HDAC9: variants seen among roughly 807,000 people sequenced by gnomAD.
HDAC9 encodes the protein histone deacetylase 9.
In HDAC9, 41 loss-of-function variants were observed where a neutral mutation model predicts 139.4. The observed-to-expected ratio is 0.29, with a 90% CI of 0.23 to 0.38. The LOEUF (loss-of-function observed/expected upper bound fraction) is 0.38, where lower values mean the gene tolerates loss of function less well. HDAC9 is among the 10% of genes least tolerant of loss of function. The pLI is 1.00. For synonymous variants in HDAC9, 517 were observed against 476.2 expected (o/e 1.09, Z -1.12); for missense variants, 1,147 against 1,297.0 (o/e 0.88, Z 1.78).
intron 23 of HDAC9, among the ~76,000 whole-genome samples, chr7:18,948,660 A>G (rs555462593): frequency 2.4e-4 from 36 of 152,118 alleles, no homozygotes; most frequent in Non-Finnish European, 1.2e-4. Context: ...GACCACTACT[A>G]TACTATATCC....
At chr7:18,942,231 T>A (rs1169769265) in intron 23 of HDAC9, among the ~76,000 whole-genome samples, 1 of 152,094 alleles carries the variant, frequency 6.6e-6, no homozygotes, top group Non-Finnish European at 1.5e-5. Flanking sequence ...AGGAATATTT[T>A]AACATTTAAT....
intron 21 of HDAC9, among the ~76,000 whole-genome samples, chr7:18,870,374 A>C (rs941771518): frequency 5.9e-5 from 9 of 152,156 alleles, no homozygotes; most frequent in African/African-American, 2.2e-4. Context: ...TATTTTGTCA[A>C]ATATTCCTCA....
In HDAC9 at chr7:18,996,345, T is replaced by A. The variant is rs1248172578; in HGVS notation, c.*283T>A. 1 of 331,926 alleles carries A rather than the reference T, an allele frequency of 3.0e-6. No individual in the cohort carries two copies. Among genetic ancestry groups the A allele is most frequent in the African/African-American group, 2.1e-5 (1 of 47,310 alleles). 20.6% of individuals were successfully genotyped at this position (331,926 alleles called of 1,614,324 possible). On this transcript the variant is annotated 3_prime_UTR_variant, in exon 26 of 26. Coordinates refer to ENST00000686413, the MANE Select transcript of HDAC9 (RefSeq NM_178425.4). ...GCTTTTAATATGCTGGGTGACCCAC[T>A]CCTAGACACCAAGTTTGAACTAGAA...
At chr7:18,782,390 T>C (rs2129171574) in intron 16 of HDAC9, among the ~76,000 whole-genome samples, 1 of 152,214 alleles carries the variant, frequency 6.6e-6, no homozygotes, top group African/African-American at 2.4e-5. Flanking sequence ...TTCTTTTAAG[T>C]CATTCCCTTT....
At chr7:18,776,092 C>G (rs1790744947) in intron 16 of HDAC9, among the ~76,000 whole-genome samples, 1 of 151,984 alleles carries the variant, frequency 6.6e-6, no homozygotes, top group Admixed American at 6.6e-5. Flanking sequence ...GTACACACCA[C>G]CACACATATT....
chr7:18,951,144 G>T (rs1275218649), intron 23 of HDAC9, among the ~76,000 whole-genome samples: 1 of 151,844 alleles, frequency 6.6e-6, no homozygotes, highest in Non-Finnish European at 1.5e-5. Context: ...GATTTTTGAC[G>T]ATTTAAATGA....
intron 22 of HDAC9, among the ~76,000 whole-genome samples, chr7:18,875,872 T>C (rs1799284372): frequency 2.0e-5 from 3 of 152,154 alleles, no homozygotes; most frequent in African/African-American, 7.2e-5. Context: ...AAAGAGAGTT[T>C]GTACATCAAG....
chr7:18,927,501 T>C lies in HDAC9; in HGVS notation c.2804-8308T>C, dbSNP rs1470803584. ...GAGGGAGGAAAATGGCTACAGTTTT[T>C]ATAATTAGACTTCCCTGGATGTGCA... On this transcript the variant is annotated intron_variant, in intron 22 of 25. Coordinates refer to ENST00000686413, the MANE Select transcript of HDAC9 (RefSeq NM_178425.4). Among the ~76,000 whole-genome samples the C allele has an allele frequency of 2.0e-5, 3 of 152,192 alleles. No homozygotes were observed. In the East Asian group the frequency reaches 5.8e-4, roughly 29 times the overall value.
chr7:18,970,043 T>G (rs1434066686), intron 24 of HDAC9, among the ~76,000 whole-genome samples: 1 of 152,182 alleles, frequency 6.6e-6, no homozygotes, highest in Non-Finnish European at 1.5e-5. Context: ...TATTTCTCAA[T>G]GAAAAATATT....
intron 1 of HDAC9, among the ~76,000 whole-genome samples, chr7:18,488,462 A>T (rs182914501): frequency 4.6e-5 from 7 of 152,164 alleles, no homozygotes; most frequent in African/African-American, 1.7e-4. Context: ...AATGCTGTTT[A>T]TACGAAGTAT....
chr7:18,209,888 G>T (rs1431570242), intron 2 of HDAC9, among the ~76,000 whole-genome samples: 1 of 152,090 alleles, frequency 6.6e-6, no homozygotes, highest in African/African-American at 2.4e-5. Context: ...TTTTAGTAGA[G>T]ATGGGGTTTC....
At chr7:18,135,143 G>A (rs368267932) in intron 1 of HDAC9, among the ~76,000 whole-genome samples, 10 of 151,764 alleles carry the variant, frequency 6.6e-5, no homozygotes, top group Non-Finnish European at 8.8e-5. Flanking sequence ...TTTTCAAGTG[G>A]ATACTGTTCA....
chr7:18,997,217 T>C lies in HDAC9; in HGVS notation c.*1155T>C, dbSNP rs1489521573. 3 of 151,890 alleles carry C rather than the reference T, an allele frequency of 2.0e-5. No homozygotes were observed. Among genetic ancestry groups the C allele is most frequent in the Non-Finnish European group, 4.4e-5 (3 of 67,970 alleles). 9.4% of individuals were successfully genotyped at this position (151,890 alleles called of 1,614,324 possible). A position where few individuals can be genotyped will look rare whatever the true frequency, so the allele number is the denominator to read the frequency against. On this transcript the variant is annotated 3_prime_UTR_variant, in exon 26 of 26. Transcript: ENST00000686413. ...CTTAAGCAACGTTGCTAAATTTCTA[T>C]GTGTTTGAAATGTGTTAATGAAGGC...
At chr7:18,668,426 A>G in intron 12 of HDAC9, 1 of 942,082 alleles carries the variant, frequency 1.1e-6, no homozygotes, top group Non-Finnish European at 1.3e-6. Context: ...TTTCAATCTC[A>G]TAAAAAAGGG....
In HDAC9 at chr7:18,247,141, G is replaced by A. The variant is rs1794603909; in HGVS notation, c.25+84792G>A. 2.0e-5 allele frequency among the ~76,000 whole-genome samples: 3 copies of A among 152,032 alleles called. No homozygotes were observed. The South Asian group carries it at 6.2e-4, about 32-fold the overall frequency. ...GTCATCTGAATAAAGGTGTCAAGCA[G>A]TTAGTGGGATATGTCTGTCTGGAGT... On this transcript the variant is annotated intron_variant, in intron 2 of 12. Coordinates refer to the HDAC9 transcript ENST00000417496.
chr7:18,581,846 G>T (rs1422882018), intron 2 of HDAC9, among the ~76,000 whole-genome samples: 6 of 152,184 alleles, frequency 3.9e-5, no homozygotes, highest in Non-Finnish European at 8.8e-5. Context: ...ATCTGAACTT[G>T]TCATGATTAA....
intron 2 of HDAC9, among the ~76,000 whole-genome samples, chr7:18,190,415 A>C (rs1212708176): frequency 6.6e-6 from 1 of 152,224 alleles, no homozygotes; most frequent in African/African-American, 2.4e-5. Context: ...AGGGACACAC[A>C]TGTACATGCA....
chr7:18,307,296 G>A (rs1320790738), intron 1 of HDAC9, among the ~76,000 whole-genome samples: 1 of 152,036 alleles, frequency 6.6e-6, no homozygotes, highest in Non-Finnish European at 1.5e-5. Flanking sequence ...TGAGTACAAA[G>A]GGAGGGCACA....
At chr7:18,332,928 C>T (rs918831664) in intron 1 of HDAC9, among the ~76,000 whole-genome samples, 19 of 151,444 alleles carry the variant, frequency 1.3e-4, no homozygotes, top group African/African-American at 4.4e-4. Context: ...TAAATTTACA[C>T]AAGGATCCCT....
Sources: allele counts gnomAD v4.1 joint callset (sites outside exome capture counted in the v4.1 genomes callset), GRCh38; gene constraint gnomAD v4.1.1; transcripts MANE v1.5; gene names NCBI Gene and HGNC (gene_info 2026-07-23, HGNC 2026-07-21).